Variants in APOBEC3H observed in about 807,000 individuals in gnomAD.
APOBEC3H encodes DNA dC->dU-editing enzyme APOBEC-3H.
In APOBEC3H, 8 loss-of-function variants were observed where a neutral mutation model predicts 21.2. The observed-to-expected ratio is 0.38, with a 90% CI of 0.22 to 0.68. The LOEUF (loss-of-function observed/expected upper bound fraction) is 0.68, where lower values mean the gene tolerates loss of function less well. Among genes scored for constraint, APOBEC3H ranks in the 30% least tolerant of loss-of-function variants. The pLI, the probability that APOBEC3H is intolerant of heterozygous loss-of-function variation, is 0.52. For missense variants in APOBEC3H, 229 were observed against 228.1 expected, an observed-to-expected ratio of 1.00 and a Z score of -0.03; for synonymous variants, 88 against 91.0, an observed-to-expected ratio of 0.97 and a Z score of 0.19.
rs139299 is a variant in APOBEC3H at position 39,101,449 on chromosome 22, G to C, written c.363G>C (p.Lys121Asn). ...LYYHWCKPQQ[K>N]GLRLLCGSQV... Reference sequence around the variant, plus strand: ...ACCACTGGTGCAAGCCCCAGCAGAAGGGGCTGCGGCTTCTGTGTGGATCCC... The same window carrying C: ...ACCACTGGTGCAAGCCCCAGCAGAACGGGCTGCGGCTTCTGTGTGGATCCC... The change falls in exon 3 of 5, where the codon AAG becomes AAC. Residue 121 changes from lysine to asparagine, a missense_variant. Lys to Asn is a moderately conservative substitution (Grantham distance 94). Coordinates refer to ENST00000442487, the MANE Select transcript of APOBEC3H (RefSeq NM_181773.5). 0.48 allele frequency: 769,949 copies of C among 1,609,736 alleles called. 190,903 individuals carry two copies. Among genetic ancestry groups the C allele is most frequent in the African/African-American group, 0.82 (60,600 of 73,652 alleles).
intron 1 of APOBEC3H, among the ~76,000 whole-genome samples, chr22:39,099,040 C>G (rs1334084994): frequency 2.6e-5 from 4 of 152,014 alleles, no homozygotes. Context: ...TACAAAAATA[C>G]AAAAATTAGC....
intron 4 of APOBEC3H, among the ~76,000 whole-genome samples, chr22:39,103,378 TAC>T (rs1199314517): frequency 2.6e-5 from 4 of 151,736 alleles, no homozygotes; most frequent in African/African-American, 9.7e-5. Context: ...AAATATGAAA[TAC>T]TCTACTGGAC....
rs929152741 is a variant in APOBEC3H, at chr22:39,101,229, C to T, written c.151-8C>T. On this transcript the variant is annotated splice_polypyrimidine_tract_variant and splice_region_variant and intron_variant, in intron 2 of 4. Coordinates refer to ENST00000442487, the MANE Select transcript of APOBEC3H (RefSeq NM_181773.5). Reference sequence around the variant, plus strand: ...CCCTCCCTTCTCTCTGTTTGGGACCCTCCCCAGAAAAAGTGCCATGCAGAA... The same window carrying T: ...CCCTCCCTTCTCTCTGTTTGGGACCTTCCCCAGAAAAAGTGCCATGCAGAA... The T allele has an allele frequency of 1.9e-6, 3 of 1,571,308 alleles. No homozygotes were observed. In the African/African-American group the frequency reaches 4.1e-5, roughly 21 times the overall value.
intron 2 of APOBEC3H, 67 bp from the exon 3 acceptor site, chr22:39,101,170 C>A: frequency 8.3e-7 from 1 of 1,200,022 alleles, no homozygotes; most frequent in Non-Finnish European, 1.2e-6. Flanking sequence ...CGGCCCCCGC[C>A]CCCAGTCACA....
In APOBEC3H at chr22:39,101,270, G is replaced by A. The variant is rs766612664; in HGVS notation, c.184G>A (p.Glu62Lys). The change falls in exon 3 of 5, where the codon GAG becomes AAG. Residue 62 changes from glutamate to lysine, a missense_variant. Coordinates refer to ENST00000442487, the MANE Select transcript of APOBEC3H (RefSeq NM_181773.5). The stretch of plus-strand genomic sequence containing the variant: ...CCATGCAGAAATTTGCTTTATTAAC[G>A]AGATCAAGTCCATGGGACTGGACGA... ...KCHAEICFIN[E>K]IKSMGLDETQ... 1.4e-5 allele frequency: 22 copies of A among 1,612,864 alleles called. No homozygotes were observed. Among genetic ancestry groups the A allele is most frequent in the East Asian group, 2.2e-5 (1 of 44,764 alleles).
chr22:39,099,032 C>T (rs1461973332), intron 1 of APOBEC3H, among the ~76,000 whole-genome samples: 1 of 151,942 alleles, frequency 6.6e-6, no homozygotes, highest in African/African-American at 2.4e-5. Context: ...TCCATCTCTA[C>T]AAAAATACAA....
intron 4 of APOBEC3H, chr22:39,102,537 G>A (rs375450321): frequency 8.4e-6 from 6 of 718,408 alleles, no homozygotes; most frequent in South Asian, 5.9e-5. Flanking sequence ...GCGCAGGGTC[G>A]TTACATGGAT....
Position 39,101,423 on chromosome 22 carries a change from T to G in APOBEC3H, c.337T>G (p.Tyr113Asp). ...GGGCATCTTCGCCTCCCGCCTGTAC[T>G]ACCACTGGTGCAAGCCCCAGCAGAA... ...NLGIFASRLYYHWCKPQQKGL... is the reference protein window; with the variant it reads ...NLGIFASRLYDHWCKPQQKGL... The change falls in exon 3 of 5, where the codon TAC (tyrosine) becomes GAC (aspartate). Residue 113 changes from tyrosine (Y) to aspartate (D), a missense_variant. Physicochemically the swap from Tyr to Asp is radical, Grantham distance 160. Coordinates refer to ENST00000442487, the MANE Select transcript of APOBEC3H (RefSeq NM_181773.5). The G allele has an allele frequency of 6.2e-7, 1 of 1,611,922 alleles. No homozygotes were observed. The highest frequency in any genetic ancestry group is 8.5e-7 in the Non-Finnish European group (1 of 1,179,556).
In APOBEC3H at chr22:39,102,014, C is replaced by G; in HGVS notation, c.515C>G (p.Ala172Gly). 1.2e-6 allele frequency: 2 copies of G among 1,613,874 alleles called. No homozygotes were observed. The highest frequency in any genetic ancestry group is 1.1e-5 in the South Asian group (1 of 91,070). Residue 172 changes from alanine to glycine, a missense_variant, in exon 4 of 5, where the codon GCC becomes GGC. Coordinates refer to ENST00000442487, the MANE Select transcript of APOBEC3H (RefSeq NM_181773.5). ...GAGGAGCTAGATAAAAACAGTCGAGCCATAAAGCGACGGCTTGAGAGGATA... is the reference window on the plus strand; with the variant it reads ...GAGGAGCTAGATAAAAACAGTCGAGGCATAAAGCGACGGCTTGAGAGGATA... Reference protein sequence around the residue: ...MLEELDKNSRAIKRRLERIKQ... With the variant: ...MLEELDKNSRGIKRRLERIKQ...
chr22:39,102,829 T>C (rs139306), intron 4 of APOBEC3H, among the ~76,000 whole-genome samples: 83,663 of 151,516 alleles, frequency 0.55, 24,931 homozygotes, highest in African/African-American at 0.8. Flanking sequence ...GAAACCCTGT[T>C]TCTGCACCTA....
At chr22:39,101,817 T>G in intron 3 of APOBEC3H, 101 bp from the exon 4 acceptor site, 2 of 1,565,536 alleles carry the variant, frequency 1.3e-6, no homozygotes, top group Non-Finnish European at 8.8e-7. Flanking sequence ...GACAGAGCAA[T>G]GTCCAGGGAG....
At chr22:39,102,735 C>T (rs2146326814) in intron 4 of APOBEC3H, 2 of 597,394 alleles carry the variant, frequency 3.3e-6, no homozygotes, top group South Asian at 3.9e-5. Context: ...GGCACAGTGG[C>T]TCACGCCTGT....
At chr22:39,100,967 A>G (rs1412039295) in intron 2 of APOBEC3H, among the ~76,000 whole-genome samples, 8 of 152,158 alleles carry the variant, frequency 5.3e-5, no homozygotes, top group Non-Finnish European at 1.0e-4. Context: ...TCCTCTGGAC[A>G]CAGGGATCTT....
intron 4 of APOBEC3H, 118 bp downstream of exon 4, chr22:39,102,160 C>CT: frequency 7.2e-7 from 1 of 1,393,266 alleles, no homozygotes. Context: ...CTTTTCTTTT[C>CT]TTTTTTGAGA....
In APOBEC3H at chr22:39,100,385, C is replaced by A. The variant is rs750601192; in HGVS notation, c.107C>A (p.Pro36Gln). 1.2e-6 allele frequency: 2 copies of A among 1,613,990 alleles called. No individual in the cohort carries two copies. Among genetic ancestry groups the A allele is most frequent in the African/African-American group, 2.7e-5 (2 of 74,910 alleles). Residue 36 changes from proline to glutamine, a missense_variant, in exon 2 of 5, where the codon CCG becomes CAG. By Grantham distance (76) the Pro-to-Gln change is moderately conservative (BLOSUM62 -1). Transcript: ENST00000442487. ...GCCCTCTTGTGTTACCAGCTGACGC[C>A]GCAGAATGGCTCCACGCCCACGAGA... ...RKALLCYQLT[P>Q]QNGSTPTRGY...
Position 39,103,906 on chromosome 22 carries a change from C to T in APOBEC3H, c.*209C>T. ...AAGTACAGAAGACCTTCCTTTCCTCCTTTTTCCATATTGCTTTCTGTTCTA... is the reference window on the plus strand; with the variant it reads ...AAGTACAGAAGACCTTCCTTTCCTCTTTTTTCCATATTGCTTTCTGTTCTA... On this transcript the variant is annotated 3_prime_UTR_variant, in exon 5 of 5. Transcript: ENST00000442487. The T allele has an allele frequency of 1.3e-5, 8 of 602,916 alleles. No individual in the cohort carries two copies. The highest frequency in any genetic ancestry group is 1.8e-5 in the Non-Finnish European group (6 of 335,626). The allele number at this position is 602,916 out of a possible 1,614,324, so 37.3% of individuals were successfully genotyped here.
intron 2 of APOBEC3H, among the ~76,000 whole-genome samples, chr22:39,100,767 C>T (rs1398497276): frequency 1.3e-5 from 2 of 152,210 alleles, no homozygotes; most frequent in African/African-American, 4.8e-5. Context: ...CCGAGTGCAA[C>T]TCCATCACAC....
Position 39,101,947 on chromosome 22 carries a change from G to T in APOBEC3H, c.448G>T (p.Asp150Tyr), listed in dbSNP as rs199993649. Residue 150 changes from aspartate to tyrosine, a missense_variant, in exon 4 of 5, where the codon GAC becomes TAC. Asp to Tyr is a radical substitution (Grantham distance 160). Transcript: ENST00000442487. ...EFADCWENFV[D>Y]HEKPLSFNPY... ...TGCTGACTGCTGGGAAAACTTTGTG[G>T]ACCACGAGAAACCGCTTTCCTTCAA... The T allele has an allele frequency of 6.2e-7, 1 of 1,613,796 alleles. No individual in the cohort carries two copies. Among genetic ancestry groups the T allele is most frequent in the African/African-American group, 1.3e-5 (1 of 74,918 alleles).
chr22:39,103,753 A>G lies in APOBEC3H; in HGVS notation c.*56A>G. 1 of 1,604,038 alleles carries G rather than the reference A, an allele frequency of 6.2e-7. No homozygotes were observed. On this transcript the variant is annotated 3_prime_UTR_variant, in exon 5 of 5. Transcript: ENST00000442487. ...AGTTTGCAGCTTGGACCCGTATCCC[A>G]CTCATTATCAAGAAGCAACTCAAGA...
Sources: allele counts gnomAD v4.1 joint callset (sites outside exome capture counted in the v4.1 genomes callset), GRCh38; gene constraint gnomAD v4.1.1; transcripts MANE v1.5; gene names NCBI Gene and HGNC (gene_info 2026-07-23, HGNC 2026-07-21).